Variants in SENP7 observed in about 807,000 individuals in gnomAD.
SENP7 encodes sentrin-specific protease 7.
A neutral mutation model predicts 141.2 loss-of-function variants in SENP7; 64 were observed. That is an observed-to-expected ratio of 0.45 (90% CI 0.37 to 0.56). SENP7 has a LOEUF of 0.56. Ranked by LOEUF, SENP7 falls within the 20% of genes least tolerant of loss-of-function variation. The pLI, the probability that SENP7 is intolerant of heterozygous loss-of-function variation, is 0.00. For synonymous variants in SENP7, 382 were observed against 426.4 expected (o/e 0.90, Z 1.28); for missense variants, 1,025 against 1,212.2 (o/e 0.85, Z 2.29).
intron 13 of SENP7, among the ~76,000 whole-genome samples, chr3:101,346,309 G>A (rs1019053144): frequency 6.6e-6 from 1 of 152,164 alleles, no homozygotes; most frequent in Non-Finnish European, 1.5e-5. Flanking sequence ...TACACTGCTG[G>A]TGGGAATGTA....
intron 3 of SENP7, among the ~76,000 whole-genome samples, chr3:101,480,505 T>G (rs1240601528): frequency 6.6e-6 from 1 of 152,126 alleles, no homozygotes; most frequent in African/African-American, 2.4e-5. Flanking sequence ...TTCCTCACCA[T>G]ATACAAAAAT....
At chr3:101,372,775 A>G (rs976513059) in intron 6 of SENP7, among the ~76,000 whole-genome samples, 1 of 152,038 alleles carries the variant, frequency 6.6e-6, no homozygotes, top group Non-Finnish European at 1.5e-5. Context: ...AGATAACTCT[A>G]AAGAGGGAGA....
intron 3 of SENP7, among the ~76,000 whole-genome samples, chr3:101,482,242 G>C (rs2064518471): frequency 6.6e-6 from 1 of 151,592 alleles, no homozygotes; most frequent in African/African-American, 2.4e-5. Flanking sequence ...GAATCCAGGA[G>C]ACGGAGCTTG....
At chr3:101,370,379 T>A (rs1357623623) in intron 7 of SENP7, among the ~76,000 whole-genome samples, 1 of 152,150 alleles carries the variant, frequency 6.6e-6, no homozygotes, top group Non-Finnish European at 1.5e-5. Context: ...CATTTTTACT[T>A]GGTAATCAAT....
intron 5 of SENP7, among the ~76,000 whole-genome samples, chr3:101,410,057 A>G (rs1420872994): frequency 6.6e-6 from 1 of 152,238 alleles, no homozygotes. Context: ...ACTAATATCC[A>G]GAATCTATAA....
intron 4 of SENP7, chr3:101,457,175 A>T: frequency 9.0e-7 from 1 of 1,109,430 alleles, no homozygotes; most frequent in Non-Finnish European, 1.4e-6. Flanking sequence ...CTTAAAAAGT[A>T]GTCATAATAT....
chr3:101,343,079 T>C (rs1376712686), intron 14 of SENP7, among the ~76,000 whole-genome samples: 1 of 152,234 alleles, frequency 6.6e-6, no homozygotes, highest in Non-Finnish European at 1.5e-5. Flanking sequence ...ACAGAAGTGA[T>C]GTGGTACTTC....
chr3:101,478,601 CAATTT>C (rs2064320033), intron 3 of SENP7, among the ~76,000 whole-genome samples: 1 of 152,132 alleles, frequency 6.6e-6, no homozygotes, highest in South Asian at 2.1e-4. Context: ...GCTTCATTGC[CAATTT>C]CTACCAAACT....
intron 6 of SENP7, among the ~76,000 whole-genome samples, chr3:101,387,100 G>A (rs1247895800): frequency 3.3e-5 from 5 of 152,054 alleles, no homozygotes; most frequent in African/African-American, 9.7e-5. Context: ...CAGGGCCTGA[G>A]TGCATGGTTC....
intron 3 of SENP7, among the ~76,000 whole-genome samples, chr3:101,460,402 C>A (rs965854968): frequency 6.6e-6 from 1 of 152,038 alleles, no homozygotes. Context: ...TATCTAGGAC[C>A]AATAATTGAT....
intron 3 of SENP7, among the ~76,000 whole-genome samples, chr3:101,487,471 T>C (rs1189475911): frequency 6.6e-6 from 1 of 152,042 alleles, no homozygotes; most frequent in Non-Finnish European, 1.5e-5. Context: ...TAAATTAAGT[T>C]TCATTTGTCA....
At chr3:101,505,327 TA>T (rs1291552391) in intron 1 of SENP7, among the ~76,000 whole-genome samples, 4 of 152,214 alleles carry the variant, frequency 2.6e-5, no homozygotes, top group Non-Finnish European at 5.9e-5. Flanking sequence ...GCTGTACTTG[TA>T]ACCCTTAAAT....
At chr3:101,382,179 C>CT (rs541184908) in intron 6 of SENP7, among the ~76,000 whole-genome samples, 1 of 151,850 alleles carries the variant, frequency 6.6e-6, no homozygotes, top group Non-Finnish European at 1.5e-5. Flanking sequence ...TATTTTTCTT[C>CT]TTTTTTTTAT....
intron 4 of SENP7, among the ~76,000 whole-genome samples, chr3:101,435,295 A>G (rs1289200596): frequency 6.6e-6 from 1 of 152,106 alleles, no homozygotes; most frequent in African/African-American, 2.4e-5. Context: ...TGACAGACCC[A>G]CTAGCTATCA....
Position 101,330,401 on chromosome 3 carries a change from T to C in SENP7, c.2699-15A>G, listed in dbSNP as rs1187139623. On this transcript the variant is annotated splice_polypyrimidine_tract_variant and intron_variant, in intron 19 of 23. Transcript: ENST00000394095. ...TAGATCATTATCTAGTTAGAAATAA[T>C]TAAGCAGTTATGAGTGTTTATTGCA... The C allele has an allele frequency of 1.3e-6, 2 of 1,586,254 alleles. No homozygotes were observed.
rs766095210 is a variant in SENP7, at chr3:101,343,963, G to C, written c.1838-9C>G. ...GAATTCACTAGATTTTGCTACAAAA[G>C]GAAAAAATAATTTGTATCAATAGTA... On this transcript the variant is annotated splice_polypyrimidine_tract_variant and intron_variant, in intron 13 of 23. Transcript: ENST00000394095. 2.0e-6 allele frequency: 3 copies of C among 1,504,124 alleles called. No individual in the cohort carries two copies. The highest frequency in any genetic ancestry group is 2.6e-5 in the South Asian group (2 of 77,410). The allele number at this position is 1,504,124 out of a possible 1,614,324, so 93.2% of individuals were successfully genotyped here.
intron 4 of SENP7, among the ~76,000 whole-genome samples, chr3:101,435,033 C>G (rs143944582): frequency 1.6e-3 from 249 of 152,174 alleles, no homozygotes; most frequent in Non-Finnish European, 2.4e-3. Context: ...AAAATACTAG[C>G]AAACCAAATT....
At chr3:101,388,470 C>G (rs935743133) in intron 6 of SENP7, among the ~76,000 whole-genome samples, 3 of 152,180 alleles carry the variant, frequency 2.0e-5, no homozygotes, top group African/African-American at 7.2e-5. Flanking sequence ...ACTCAAGCAA[C>G]ACTATATATA....
intron 11 of SENP7, among the ~76,000 whole-genome samples, chr3:101,353,104 ATAATT>A (rs1197384136): frequency 5.3e-5 from 8 of 152,030 alleles, no homozygotes; most frequent in Non-Finnish European, 1.5e-5. Flanking sequence ...AGAATGTTAC[ATAATT>A]TAATCAAATA....
Sources: gnomAD v4.1 joint callset for allele counts (sites outside exome capture counted in the v4.1 genomes callset) on GRCh38, gnomAD v4.1.1 for gene constraint, MANE v1.5 for transcripts, NCBI Gene and HGNC (gene_info 2026-07-23, HGNC 2026-07-21) for gene names.